NALF1: variants seen among roughly 807,000 people sequenced by gnomAD.
The protein encoded by NALF1 is NALCN channel auxiliary factor 1.
In NALF1, 3 loss-of-function variants were observed where a neutral mutation model predicts 48.4. The ratio of observed to expected loss-of-function variants is 0.06; its 90% confidence interval spans 0.03 to 0.16. NALF1 has a LOEUF of 0.16. Among genes scored for constraint, NALF1 ranks in the 10% least tolerant of loss-of-function variants. The probability of loss-of-function intolerance (pLI) is 1.00; values close to 1 mark genes in which losing one functional copy is unlikely to be tolerated. For synonymous variants in NALF1, 262 were observed against 245.7 expected, an observed-to-expected ratio of 1.07 and a Z score of -0.62; for missense variants, 526 against 571.5, an observed-to-expected ratio of 0.92 and a Z score of 0.81.
chr13:107,528,419 T>G (rs1876515435), intron 1 of NALF1, among the ~76,000 whole-genome samples: 1 of 152,134 alleles, frequency 6.6e-6, no homozygotes, highest in Non-Finnish European at 1.5e-5. Context: ...CATACGTTCT[T>G]TTAGATTAAA....
intron 1 of NALF1, among the ~76,000 whole-genome samples, chr13:107,406,085 C>T (rs969429368): frequency 6.6e-6 from 1 of 152,016 alleles, no homozygotes; most frequent in Admixed American, 6.6e-5. Flanking sequence ...ACTGACAAGG[C>T]TATCCAACCA....
Position 107,430,693 on chromosome 13 carries a change from C to G in NALF1, c.916-219938G>C, listed in dbSNP as rs1884364870. Among the ~76,000 whole-genome samples the G allele has an allele frequency of 6.6e-5, 10 of 152,296 alleles. No individual in the cohort carries two copies. In the South Asian group the frequency reaches 2.1e-3, roughly 32 times the overall value. On this transcript the variant is annotated intron_variant, in intron 1 of 2. Coordinates refer to ENST00000375915, the MANE Select transcript of NALF1 (RefSeq NM_001080396.3). ...ATGTGCCACATTTTCTTAATCCAGT[C>G]TATCATTGTTGGACATTTGGGTTGG...
chr13:107,773,446 A>G (rs1566476260), intron 1 of NALF1, among the ~76,000 whole-genome samples: 1 of 152,134 alleles, frequency 6.6e-6, no homozygotes, highest in Non-Finnish European at 1.5e-5. Context: ...TCTTGTAATT[A>G]CTTTGCCATG....
intron 1 of NALF1, among the ~76,000 whole-genome samples, chr13:107,746,469 C>T (rs1876783805): frequency 6.6e-6 from 1 of 152,126 alleles, no homozygotes; most frequent in Admixed American, 6.5e-5. Flanking sequence ...CATTGCCAAA[C>T]GTGATTTTTC....
At chr13:107,818,393 G>A (rs1257885785) in intron 1 of NALF1, among the ~76,000 whole-genome samples, 1 of 152,122 alleles carries the variant, frequency 6.6e-6, no homozygotes, top group East Asian at 1.9e-4. Flanking sequence ...ACCTGGCCAG[G>A]AATTGGAGAC....
chr13:107,656,430 G>A (rs931368423), intron 1 of NALF1, among the ~76,000 whole-genome samples: 1 of 152,072 alleles, frequency 6.6e-6, no homozygotes, highest in Admixed American at 6.5e-5. Context: ...CTAAAGATCA[G>A]GGAAATGCAA....
intron 1 of NALF1, among the ~76,000 whole-genome samples, chr13:107,695,787 A>T (rs1342075715): frequency 6.6e-6 from 1 of 152,220 alleles, no homozygotes; most frequent in Non-Finnish European, 1.5e-5. Flanking sequence ...CTTTATCAAA[A>T]GCATAAATAA....
At chr13:107,349,627 G>C (rs997791002) in intron 1 of NALF1, among the ~76,000 whole-genome samples, 1 of 151,608 alleles carries the variant, frequency 6.6e-6, no homozygotes, top group African/African-American at 2.4e-5. Context: ...TGTAGTCCCA[G>C]CTACTTGGAA....
intron 1 of NALF1, among the ~76,000 whole-genome samples, chr13:107,715,785 G>A (rs548221462): frequency 2.2e-4 from 34 of 152,312 alleles, no homozygotes; most frequent in Non-Finnish European, 3.7e-4. Context: ...AGCCCCATAT[G>A]AGCACAAATA....
At chr13:107,635,441 C>CACCTCCATCATTCATT (rs6145233) in intron 1 of NALF1, among the ~76,000 whole-genome samples, 1 of 151,254 alleles carries the variant, frequency 6.6e-6, no homozygotes, top group Admixed American at 6.6e-5. Context: ...TAGGGGTAAC[C>CACCTCCATCATTCATT]ACCTCCCACT....
At chr13:107,785,367 G>T (rs1243655288) in intron 1 of NALF1, among the ~76,000 whole-genome samples, 6 of 152,040 alleles carry the variant, frequency 3.9e-5, no homozygotes, top group Admixed American at 2.6e-4. Context: ...ATACTACTCA[G>T]CCATAAAAAG....
In NALF1 at chr13:107,660,479, ACACAC is replaced by A. The variant is rs201965802; in HGVS notation, c.915+205198_915+205202del. 6.4e-3 allele frequency among the ~76,000 whole-genome samples: 540 copies of A among 84,178 alleles called. 8 individuals carry two copies. The highest frequency in any genetic ancestry group is 0.023 in the African/African-American group (447 of 19,136). The allele number at this position is 84,178 out of a possible 152,430, so 55.2% of individuals were successfully genotyped here. On this transcript the variant is annotated intron_variant, in intron 1 of 2. Coordinates refer to ENST00000375915, the MANE Select transcript of NALF1 (RefSeq NM_001080396.3). ...CACACACACACACACACACACACAC[ACACAC>A]AACAAAGAAACAAAAAAACAAACAA...
At chr13:107,681,700 A>G (rs1011994709) in intron 1 of NALF1, among the ~76,000 whole-genome samples, 2 of 152,118 alleles carry the variant, frequency 1.3e-5, no homozygotes, top group African/African-American at 4.8e-5. Context: ...TCCTGCTCTC[A>G]TCCGACGGCT....
intron 1 of NALF1, among the ~76,000 whole-genome samples, chr13:107,537,136 G>A (rs1487687252): frequency 2.0e-5 from 3 of 152,042 alleles, no homozygotes; most frequent in East Asian, 1.9e-4. Flanking sequence ...TGTAAATGAC[G>A]AGTTAATGGG....
intron 1 of NALF1, among the ~76,000 whole-genome samples, chr13:107,597,561 T>C (rs1878790369): frequency 6.6e-6 from 1 of 152,146 alleles, no homozygotes; most frequent in Admixed American, 6.5e-5. Context: ...CTTTTGTTCT[T>C]ATAAATAATA....
intron 1 of NALF1, among the ~76,000 whole-genome samples, chr13:107,469,187 C>A (rs898200467): frequency 2.0e-5 from 3 of 152,138 alleles, no homozygotes; most frequent in Non-Finnish European, 4.4e-5. Context: ...TCCTATTCAA[C>A]AAGGTATTCT....
At chr13:107,658,627 T>A (rs556364825) in intron 1 of NALF1, among the ~76,000 whole-genome samples, 22 of 152,112 alleles carry the variant, frequency 1.4e-4, no homozygotes, top group Non-Finnish European at 2.4e-4. Context: ...TTTAAATTAT[T>A]ATATTTCTGA....
chr13:107,167,361 A>G lies in NALF1; in HGVS notation c.*3136T>C, dbSNP rs1878682496. On this transcript the variant is annotated 3_prime_UTR_variant, in exon 3 of 3. Coordinates refer to ENST00000375915, the MANE Select transcript of NALF1 (RefSeq NM_001080396.3). ...TAAGCATGCTCAAGTGTGTGCCAGG[A>G]AAACTACTACAAAGAATCAACGGAT... 6.6e-6 allele frequency: 1 copy of G among 152,204 alleles called. No individual in the cohort carries two copies. Among genetic ancestry groups the G allele is most frequent in the Admixed American group, 6.5e-5 (1 of 15,282 alleles). The allele number at this position is 152,204 out of a possible 1,614,324, so 9.4% of individuals were successfully genotyped here.
chr13:107,634,365 C>T (rs1020618388), intron 1 of NALF1, among the ~76,000 whole-genome samples: 1 of 152,084 alleles, frequency 6.6e-6, no homozygotes, highest in Non-Finnish European at 1.5e-5. Flanking sequence ...TATTTCACCA[C>T]TACACAAGCT....
Sources: allele counts gnomAD v4.1 joint callset (sites outside exome capture counted in the v4.1 genomes callset), GRCh38; gene constraint gnomAD v4.1.1; transcripts MANE v1.5; gene names NCBI Gene and HGNC (gene_info 2026-07-23, HGNC 2026-07-21).